FLT3: variants seen among roughly 807,000 people sequenced by gnomAD.
FLT3 encodes receptor-type tyrosine-protein kinase FLT3.
A neutral mutation model predicts 126.6 loss-of-function variants in FLT3; 46 were observed. The observed-to-expected ratio is 0.36, with a 90% CI of 0.29 to 0.46. The LOEUF is 0.46. Ranked by LOEUF, FLT3 falls within the 20% of genes least tolerant of loss-of-function variation. The probability of loss-of-function intolerance (pLI) is 1.00; values close to 1 mark genes in which losing one functional copy is unlikely to be tolerated. For synonymous variants in FLT3, 404 were observed against 434.4 expected (o/e 0.93, Z 0.87); for missense variants, 1,069 against 1,190.3 (o/e 0.90, Z 1.50).
In FLT3 at chr13:28,034,222, G is replaced by T. The variant is rs370380253; in HGVS notation, c.1705-8C>A. On this transcript the variant is annotated splice_region_variant and splice_polypyrimidine_tract_variant and intron_variant, in intron 13 of 23. Coordinates refer to ENST00000241453, the MANE Select transcript of FLT3 (RefSeq NM_004119.3). ...GCTTTCATACCTAAATTGCTTCAGA[G>T]ATGAAATGATGAGTCAGTTAGGAAT... 2.5e-6 allele frequency: 4 copies of T among 1,613,928 alleles called. No homozygotes were observed. The highest frequency in any genetic ancestry group is 2.2e-5 in the South Asian group (2 of 91,020).
At chr13:28,045,599 C>G (rs1054779034) in intron 9 of FLT3, among the ~76,000 whole-genome samples, 4 of 152,156 alleles carry the variant, frequency 2.6e-5, no homozygotes, top group Non-Finnish European at 5.9e-5. Flanking sequence ...GTGGCTCACG[C>G]CTGTAATCCC....
intron 12 of FLT3, among the ~76,000 whole-genome samples, chr13:28,035,018 T>C (rs1480174199): frequency 6.6e-6 from 1 of 152,150 alleles, no homozygotes; most frequent in Non-Finnish European, 1.5e-5. Context: ...ATCCCTTTTA[T>C]GAAGGTCGCA....
At chr13:28,085,343 CAAAAAAAA>C (rs59478584) in intron 1 of FLT3, among the ~76,000 whole-genome samples, 18 of 82,286 alleles carry the variant, frequency 2.2e-4, no homozygotes, top group African/African-American at 7.5e-4. Context: ...GACTCCATCT[CAAAAAAAA>C]AAAAAAAAAA....
At chr13:28,020,898 G>A (rs763918626) in intron 19 of FLT3, among the ~76,000 whole-genome samples, 34 of 152,128 alleles carry the variant, frequency 2.2e-4, no homozygotes, top group Non-Finnish European at 3.5e-4. Context: ...TGATTCAAAG[G>A]GGAGGCCTGA....
chr13:28,043,337 T>C (rs1267515614), intron 9 of FLT3, among the ~76,000 whole-genome samples: 1 of 152,164 alleles, frequency 6.6e-6, no homozygotes, highest in East Asian at 1.9e-4. Context: ...GGCTAGAAAG[T>C]TATAATTTAA....
intron 10 of FLT3, among the ~76,000 whole-genome samples, chr13:28,036,503 C>T (rs1873850393): frequency 1.3e-5 from 2 of 152,174 alleles, no homozygotes; most frequent in Admixed American, 1.3e-4. Context: ...AGTTGGACTT[C>T]TCATTGTTTT....
intron 3 of FLT3, 65 bp downstream of exon 3, chr13:28,061,802 C>A: frequency 7.4e-7 from 1 of 1,343,358 alleles, no homozygotes; most frequent in Non-Finnish European, 1.1e-6. Flanking sequence ...TAAACATGAA[C>A]AGAAACTTGA....
At chr13:28,046,301 A>G (rs1219389820) in intron 9 of FLT3, among the ~76,000 whole-genome samples, 1 of 152,100 alleles carries the variant, frequency 6.6e-6, no homozygotes, top group East Asian at 1.9e-4. Flanking sequence ...AAGTCCCAAC[A>G]AGGGACTTTT....
At chr13:28,073,518 T>TA in intron 1 of FLT3, 2 of 202,442 alleles carry the variant, frequency 9.9e-6, no homozygotes, top group South Asian at 6.8e-5. Flanking sequence ...CTCTAGTCTT[T>TA]AAAAAAATAG....
In FLT3 at chr13:28,003,560, C is replaced by T. The variant is rs536932359; in HGVS notation, c.*492G>A. On this transcript the variant is annotated 3_prime_UTR_variant, in exon 24 of 24. Transcript: ENST00000241453. ...TGCACAATTTCAGGGGGTTCGTGAA[C>T]TCCAGTTAAGACTTGCCCTAATTAT... The T allele has an allele frequency of 3.2e-4, 75 of 238,092 alleles. No individual in the cohort carries two copies. The highest frequency in any genetic ancestry group is 1.3e-3 in the Middle Eastern group (1 of 788). 14.7% of individuals were successfully genotyped at this position (238,092 alleles called of 1,614,324 possible).
intron 3 of FLT3, among the ~76,000 whole-genome samples, chr13:28,059,389 GC>G (rs982853712): frequency 6.6e-6 from 1 of 152,120 alleles, no homozygotes; most frequent in African/African-American, 2.4e-5. Flanking sequence ...TATGTCCTTT[GC>G]CCCATCTCAT....
intron 19 of FLT3, among the ~76,000 whole-genome samples, chr13:28,020,862 A>G (rs2504228): frequency 0.47 from 71,471 of 151,482 alleles, 18,298 homozygotes; most frequent in East Asian, 0.68. Context: ...AGGGGGTGAG[A>G]GACAAGAAGG....
At position 28,003,866 on chromosome 13, in the gene FLT3, A is replaced by G. The variant is rs1489562506; in HGVS notation, c.*186T>C. ...TCAGCTCCTCCTGCCTTGTGACAGG[A>G]TGATTTGATTTTACAAAAGTCCCTT... On this transcript the variant is annotated 3_prime_UTR_variant, in exon 24 of 24. Coordinates refer to ENST00000241453, the MANE Select transcript of FLT3 (RefSeq NM_004119.3). The G allele has an allele frequency of 1.6e-6, 1 of 637,670 alleles. No individual in the cohort carries two copies. Among genetic ancestry groups the G allele is most frequent in the Non-Finnish European group, 2.7e-6 (1 of 373,476 alleles). The allele number at this position is 637,670 out of a possible 1,614,324, so 39.5% of individuals were successfully genotyped here. A position where few individuals can be genotyped will look rare whatever the true frequency, so the allele number is the denominator to read the frequency against.
At chr13:28,032,536 G>A (rs889649414) in intron 15 of FLT3, among the ~76,000 whole-genome samples, 2 of 152,210 alleles carry the variant, frequency 1.3e-5, no homozygotes, top group Non-Finnish European at 2.9e-5. Context: ...CTTGAGCCTG[G>A]GAAGTGGAGG....
intron 5 of FLT3, 84 bp from the exon 6 acceptor site, chr13:28,050,306 G>A (rs1160338927): frequency 7.2e-7 from 1 of 1,398,490 alleles, no homozygotes. Flanking sequence ...AAGTTCTAGA[G>A]CCAGTTTTAA....
chr13:28,065,934 C>T (rs896130780), intron 2 of FLT3, among the ~76,000 whole-genome samples: 6 of 151,766 alleles, frequency 4.0e-5, no homozygotes, highest in African/African-American at 1.5e-4. Flanking sequence ...TCCAGGAGTT[C>T]GAGACCAGCC....
At chr13:28,081,949 C>T (rs1447429628) in intron 1 of FLT3, among the ~76,000 whole-genome samples, 7 of 145,554 alleles carry the variant, frequency 4.8e-5, no homozygotes, top group African/African-American at 1.3e-4. Flanking sequence ...CTCCATCTCC[C>T]GGGTTCAAGC....
At chr13:28,095,626 A>G (rs537568468) in intron 1 of FLT3, among the ~76,000 whole-genome samples, 2 of 152,208 alleles carry the variant, frequency 1.3e-5, no homozygotes, top group Non-Finnish European at 2.9e-5. Context: ...CAAAGTTAAG[A>G]AAAATGATAA....
intron 4 of FLT3, among the ~76,000 whole-genome samples, chr13:28,056,520 G>A (rs984871325): frequency 2.6e-5 from 4 of 152,196 alleles, no homozygotes; most frequent in Non-Finnish European, 5.9e-5. Context: ...CTTGGTCATG[G>A]AAGGCGAAGC....
Sources: gnomAD v4.1 joint callset for allele counts (sites outside exome capture counted in the v4.1 genomes callset) on GRCh38, gnomAD v4.1.1 for gene constraint, MANE v1.5 for transcripts, NCBI Gene and HGNC (gene_info 2026-07-23, HGNC 2026-07-21) for gene names.